Variants in ZNF143 observed in about 807,000 individuals in gnomAD.
ZNF143 encodes the protein SPH-binding factor.
Under a neutral mutation model 74.1 loss-of-function variants are expected in ZNF143, and 49 were observed. The ratio of observed to expected loss-of-function variants is 0.66; its 90% CI spans 0.53 to 0.84. The LOEUF (loss-of-function observed/expected upper bound fraction) is 0.84. Ranked by LOEUF, ZNF143 falls within the 40% of genes least tolerant of loss-of-function variation. ZNF143 has a pLI of 0.00. For synonymous variants in ZNF143, 304 were observed against 282.8 expected, an observed-to-expected ratio of 1.07 and a Z score of -0.75; for missense variants, 637 against 793.4, an observed-to-expected ratio of 0.80 and a Z score of 2.37.
At chr11:9,488,693 C>T (rs558685682) in intron 7 of ZNF143, among the ~76,000 whole-genome samples, 3 of 152,132 alleles carry the variant, frequency 2.0e-5, no homozygotes, top group Non-Finnish European at 4.4e-5. Flanking sequence ...ACTAGCTAGA[C>T]TGAGAGCCCT....
Position 9,477,357 on chromosome 11 carries a change from C to T in ZNF143, c.374-1033C>T, listed in dbSNP as rs189643820. On this transcript the variant is annotated intron_variant, in intron 5 of 15. Transcript: ENST00000396602. The stretch of plus-strand genomic sequence containing the variant: ...GCAACCTCCACATCCTGGGTTCAAG[C>T]GATTCTCCTGCTTCAGCCTCCCAAG... 3.2e-4 allele frequency among the ~76,000 whole-genome samples: 49 copies of T among 151,934 alleles called. No individual in the cohort carries two copies. The East Asian group carries it at 9.2e-3, about 28-fold the overall frequency.
intron 14 of ZNF143, among the ~76,000 whole-genome samples, chr11:9,521,143 C>T (rs1848910846): frequency 6.6e-6 from 1 of 152,194 alleles, no homozygotes; most frequent in Non-Finnish European, 1.5e-5. Flanking sequence ...CCTACACGTA[C>T]ACATCACAAT....
At chr11:9,473,654 A>AAGGT in intron 3 of ZNF143, 1 of 662,894 alleles carries the variant, frequency 1.5e-6, no homozygotes, top group Non-Finnish European at 2.4e-6. Context: ...GTGACTCTGA[A>AAGGT]AGGTATAAAG....
chr11:9,521,268 T>G (rs1357392458), intron 14 of ZNF143, among the ~76,000 whole-genome samples: 1 of 152,164 alleles, frequency 6.6e-6, no homozygotes, highest in Non-Finnish European at 1.5e-5. Context: ...TCTATTAGAG[T>G]ATTTTTACTG....
intron 11 of ZNF143, among the ~76,000 whole-genome samples, chr11:9,502,397 C>G (rs892385401): frequency 1.3e-5 from 2 of 150,714 alleles, no homozygotes; most frequent in Admixed American, 1.3e-4. Flanking sequence ...ATCACGAGGT[C>G]AGGATATCGA....
At chr11:9,505,878 CAAA>C (rs1177848404) in intron 11 of ZNF143, among the ~76,000 whole-genome samples, 9 of 66,846 alleles carry the variant, frequency 1.3e-4, no homozygotes, top group Admixed American at 5.4e-4. Flanking sequence ...GACTCCATAT[CAAA>C]AAAAAAAAAA....
At chr11:9,481,069 A>G (rs529580295) in intron 7 of ZNF143, among the ~76,000 whole-genome samples, 7 of 152,062 alleles carry the variant, frequency 4.6e-5, no homozygotes, top group African/African-American at 1.7e-4. Flanking sequence ...TCAGGTCTCA[A>G]TTCATATTCA....
chr11:9,484,155 A>G (rs1046281443), intron 7 of ZNF143, among the ~76,000 whole-genome samples: 1 of 151,390 alleles, frequency 6.6e-6, no homozygotes, highest in Non-Finnish European at 1.5e-5. Flanking sequence ...AAAATGATTA[A>G]TTACCGTATT....
At chr11:9,520,001 T>A (rs374097078) in intron 14 of ZNF143, among the ~76,000 whole-genome samples, 1 of 150,750 alleles carries the variant, frequency 6.6e-6, no homozygotes, top group East Asian at 1.9e-4. Context: ...ACCTGGGCAA[T>A]GTAGCAAGAC....
intron 1 of ZNF143, among the ~76,000 whole-genome samples, chr11:9,466,975 G>T (rs1856268763): frequency 2.0e-5 from 3 of 148,398 alleles, no homozygotes; most frequent in Non-Finnish European, 4.5e-5. Context: ...CTCACTGCAA[G>T]CTCTGCCTCC....
At chr11:9,498,020 C>T (rs569464046) in intron 10 of ZNF143, among the ~76,000 whole-genome samples, 4 of 152,010 alleles carry the variant, frequency 2.6e-5, no homozygotes, top group African/African-American at 7.3e-5. Flanking sequence ...TTAGTAGAGA[C>T]GGGGTTTCAC....
chr11:9,514,936 C>G (rs1398727384), intron 13 of ZNF143, among the ~76,000 whole-genome samples: 1 of 152,146 alleles, frequency 6.6e-6, no homozygotes, highest in Non-Finnish European at 1.5e-5. Flanking sequence ...TGAGACCAGC[C>G]TGACCAACAT....
intron 7 of ZNF143, among the ~76,000 whole-genome samples, chr11:9,487,159 G>T (rs867817575): frequency 6.7e-6 from 1 of 150,366 alleles, no homozygotes; most frequent in African/African-American, 2.5e-5. Context: ...TAGAGATGGG[G>T]TGTCACCATG....
At chr11:9,526,486 G>C (rs1002760115) in intron 15 of ZNF143, among the ~76,000 whole-genome samples, 2 of 152,184 alleles carry the variant, frequency 1.3e-5, no homozygotes, top group African/African-American at 4.8e-5. Flanking sequence ...GGAAATGTCA[G>C]CTGTTGGCTT....
At chr11:9,517,994 A>T (rs933400356) in intron 14 of ZNF143, among the ~76,000 whole-genome samples, 4 of 152,226 alleles carry the variant, frequency 2.6e-5, no homozygotes, top group Non-Finnish European at 5.9e-5. Context: ...ACTATATTGA[A>T]TATAAGTCTA....
intron 6 of ZNF143, 56 bp downstream of exon 6, chr11:9,478,642 G>A: frequency 6.5e-7 from 1 of 1,541,972 alleles, no homozygotes; most frequent in South Asian, 1.2e-5. Context: ...TATTTTTCAT[G>A]AAAAGAAAAG....
At chr11:9,497,078 A>C (rs1280610624) in intron 9 of ZNF143, among the ~76,000 whole-genome samples, 1 of 152,196 alleles carries the variant, frequency 6.6e-6, no homozygotes, top group Middle Eastern at 3.2e-3. Flanking sequence ...TCCATTCTTC[A>C]TTCCATGTCT....
At chr11:9,502,740 C>A (rs183837660) in intron 11 of ZNF143, among the ~76,000 whole-genome samples, 16 of 152,112 alleles carry the variant, frequency 1.1e-4, no homozygotes, top group Admixed American at 8.5e-4. Flanking sequence ...GCAGTCCTTT[C>A]CCCACCCCGC....
intron 15 of ZNF143, among the ~76,000 whole-genome samples, chr11:9,527,000 T>G (rs1399248980): frequency 6.6e-6 from 1 of 152,152 alleles, no homozygotes. Context: ...ATTTTTTTTT[T>G]GTATTTTTTA....
Sources: allele counts gnomAD v4.1 joint callset (sites outside exome capture counted in the v4.1 genomes callset), GRCh38; gene constraint gnomAD v4.1.1; transcripts MANE v1.5; gene names NCBI Gene and HGNC (gene_info 2026-07-23, HGNC 2026-07-21).